ENTREP2: variants seen among roughly 807,000 people sequenced by gnomAD.
ENTREP2 encodes the protein endosomal transmembrane epsin interactor 2.
chr15:29,196,081 A>T, the ENTREP2 span, among the ~76,000 whole-genome samples: 1 of 152,330 alleles, frequency 6.6e-6, no homozygotes, highest in South Asian at 2.1e-4. Context: ...AAGCAAAATA[A>T]ATCCCCATTT....
the ENTREP2 span, among the ~76,000 whole-genome samples, chr15:29,615,812 A>G: frequency 6.6e-6 from 1 of 152,186 alleles, no homozygotes; most frequent in Non-Finnish European, 1.5e-5. Flanking sequence ...CCAAAATTAA[A>G]TGGGAATTGG....
the ENTREP2 span, among the ~76,000 whole-genome samples, chr15:29,592,703 T>A: frequency 6.6e-6 from 1 of 151,960 alleles, no homozygotes. Context: ...TGAAGCTGGG[T>A]TCTCACGGGA....
the ENTREP2 span, among the ~76,000 whole-genome samples, chr15:29,553,391 T>C: frequency 6.6e-6 from 1 of 152,166 alleles, no homozygotes; most frequent in Non-Finnish European, 1.5e-5. Flanking sequence ...CCAGGAGGAT[T>C]TGGGAACTTA....
At chr15:29,539,258 A>C in the ENTREP2 span, among the ~76,000 whole-genome samples, 3 of 130,780 alleles carry the variant, frequency 2.3e-5, no homozygotes, top group African/African-American at 8.8e-5. Flanking sequence ...CATGCTTCCT[A>C]AATCAACGAC....
At chr15:29,253,971 C>T in the ENTREP2 span, among the ~76,000 whole-genome samples, 1 of 151,850 alleles carries the variant, frequency 6.6e-6, no homozygotes, top group East Asian at 1.9e-4. Context: ...ATTTTCCAGG[C>T]TTTAAAATAA....
chr15:29,362,837 G>T, the ENTREP2 span, among the ~76,000 whole-genome samples: 1 of 152,090 alleles, frequency 6.6e-6, no homozygotes. Context: ...ATAAAAATTA[G>T]TATTTTATCA....
At chr15:29,528,051 C>T in the ENTREP2 span, among the ~76,000 whole-genome samples, 2 of 152,178 alleles carry the variant, frequency 1.3e-5, no homozygotes, top group Non-Finnish European at 2.9e-5. Flanking sequence ...GCTCCCCTAC[C>T]TTCCAGGTGC....
the ENTREP2 span, among the ~76,000 whole-genome samples, chr15:29,385,243 C>T: frequency 2.6e-5 from 4 of 152,204 alleles, no homozygotes; most frequent in African/African-American, 9.7e-5. Flanking sequence ...GTAGCCACTA[C>T]TCCACCTACT....
the ENTREP2 span, among the ~76,000 whole-genome samples, chr15:29,135,146 T>C: frequency 1.4e-5 from 2 of 147,634 alleles, no homozygotes; most frequent in Non-Finnish European, 1.5e-5. The surrounding 1 kb of genome is among the most constrained non-coding windows in gnomAD (Gnocchi z 7.4). Flanking sequence ...AATCTGCAAG[T>C]CTCCCCTGCC....
the ENTREP2 span, chr15:29,196,735 A>G: frequency 3.1e-5 from 18 of 576,750 alleles, no homozygotes; most frequent in Non-Finnish European, 4.7e-5. Context: ...GGCCATCAGG[A>G]GGACTTCAAA....
the ENTREP2 span, among the ~76,000 whole-genome samples, chr15:29,427,271 A>G: frequency 6.6e-6 from 1 of 152,118 alleles, no homozygotes; most frequent in Non-Finnish European, 1.5e-5. Context: ...CCTCTCCTCC[A>G]CTGTTCATAC....
At chr15:29,480,119 T>C in the ENTREP2 span, among the ~76,000 whole-genome samples, 3 of 152,136 alleles carry the variant, frequency 2.0e-5, no homozygotes, top group African/African-American at 4.8e-5. Flanking sequence ...TAATTATCTC[T>C]GCTTTTTTTC....
chr15:29,382,155 G>C, the ENTREP2 span, among the ~76,000 whole-genome samples: 1 of 152,002 alleles, frequency 6.6e-6, no homozygotes, highest in East Asian at 1.9e-4. Context: ...CTAGCTACTC[G>C]GGAGGCTGAG....
chr15:29,445,210 A>G, the ENTREP2 span, among the ~76,000 whole-genome samples: 1 of 152,202 alleles, frequency 6.6e-6, no homozygotes, highest in Non-Finnish European at 1.5e-5. Flanking sequence ...TGGGATTTAC[A>G]AGAAGAAATA....
the ENTREP2 span, among the ~76,000 whole-genome samples, chr15:29,597,782 A>G: frequency 6.6e-6 from 1 of 152,116 alleles, no homozygotes; most frequent in Non-Finnish European, 1.5e-5. Context: ...CTTCCAAATC[A>G]GTTCAGTTTC....
At chr15:29,170,074 G>A in the ENTREP2 span, among the ~76,000 whole-genome samples, 1 of 152,040 alleles carries the variant, frequency 6.6e-6, no homozygotes, top group African/African-American at 2.4e-5. Flanking sequence ...TTGGAGGGCC[G>A]AGGCAGGGGG....
chr15:29,581,353 G>A, the ENTREP2 span, among the ~76,000 whole-genome samples: 1 of 152,106 alleles, frequency 6.6e-6, no homozygotes, highest in East Asian at 1.9e-4. Context: ...GACAGTGAGA[G>A]CATACCAGAA....
the ENTREP2 span, among the ~76,000 whole-genome samples, chr15:29,450,703 C>G: frequency 1.3e-5 from 2 of 152,238 alleles, no homozygotes; most frequent in Non-Finnish European, 2.9e-5. Context: ...AGCAAAGACA[C>G]TGAATCAACC....
At chr15:29,431,410 C>G in the ENTREP2 span, among the ~76,000 whole-genome samples, 3 of 152,046 alleles carry the variant, frequency 2.0e-5, no homozygotes, top group Non-Finnish European at 4.4e-5. Flanking sequence ...AACTGTTAGA[C>G]TGCTTTGAGT....
Sources: allele counts gnomAD v4.1 joint callset (sites outside exome capture counted in the v4.1 genomes callset), GRCh38; gene constraint gnomAD v4.1.1; non-coding constraint Gnocchi (gnomAD v3.1); transcripts MANE v1.5; gene names NCBI Gene and HGNC (gene_info 2026-07-23, HGNC 2026-07-21).